Variants in DPP10 observed in about 807,000 individuals in gnomAD.
The protein encoded by DPP10 is inactive dipeptidyl peptidase 10.
In DPP10, 33 loss-of-function variants were observed where a neutral mutation model predicts 120.9. That is an observed-to-expected ratio of 0.27 (90% CI 0.21 to 0.37). The LOEUF (loss-of-function observed/expected upper bound fraction) is 0.37. Among genes scored for constraint, DPP10 ranks in the 10% least tolerant of loss-of-function variants. The pLI is 1.00. For synonymous variants in DPP10, 337 were observed against 326.1 expected, an observed-to-expected ratio of 1.03 and a Z score of -0.36; for missense variants, 816 against 942.8, an observed-to-expected ratio of 0.87 and a Z score of 1.76.
chr2:115,125,093 T>TA (rs1283196755), intron 1 of DPP10, among the ~76,000 whole-genome samples: 2 of 152,328 alleles, frequency 1.3e-5, no homozygotes, highest in African/African-American at 2.4e-5. Flanking sequence ...TTCCATACTT[T>TA]AACTCGGGCA....
At chr2:115,211,637 T>C (rs893994436) in intron 1 of DPP10, among the ~76,000 whole-genome samples, 1 of 152,174 alleles carries the variant, frequency 6.6e-6, no homozygotes, top group East Asian at 1.9e-4. Context: ...CAATTTTCTT[T>C]CATTTAATTT....
intron 10 of DPP10, among the ~76,000 whole-genome samples, chr2:115,751,610 T>C (rs987148801): frequency 6.6e-6 from 1 of 152,162 alleles, no homozygotes; most frequent in Non-Finnish European, 1.5e-5. Flanking sequence ...ATCTTCACTT[T>C]GATAGGCTAA....
intron 1 of DPP10, among the ~76,000 whole-genome samples, chr2:114,622,762 C>T (rs912537375): frequency 1.3e-5 from 2 of 152,080 alleles, no homozygotes; most frequent in African/African-American, 4.8e-5. Flanking sequence ...TGCCACCTTG[C>T]TACCGAAAAA....
intron 8 of DPP10, 131 bp downstream of exon 8, chr2:115,728,067 C>A: frequency 9.7e-7 from 1 of 1,027,444 alleles, no homozygotes; most frequent in Non-Finnish European, 1.4e-6. Flanking sequence ...CAAAATTGCC[C>A]TCATGCTTTC....
At chr2:115,284,434 A>G (rs914042344) in intron 1 of DPP10, among the ~76,000 whole-genome samples, 4 of 152,018 alleles carry the variant, frequency 2.6e-5, no homozygotes, top group African/African-American at 7.2e-5. Context: ...CAGTAAGTCA[A>G]AACATGACTT....
intron 1 of DPP10, among the ~76,000 whole-genome samples, chr2:114,853,922 C>T (rs1215472545): frequency 3.3e-5 from 5 of 152,186 alleles, no homozygotes; most frequent in East Asian, 1.9e-4. Context: ...AGCTGTCTGC[C>T]GCCCTAGTCA....
At chr2:115,186,179 T>A (rs1158590776) in intron 1 of DPP10, among the ~76,000 whole-genome samples, 1 of 152,250 alleles carries the variant, frequency 6.6e-6, no homozygotes, top group East Asian at 1.9e-4. Flanking sequence ...TCCGTTGTTT[T>A]TATTATCTTA....
intron 1 of DPP10, among the ~76,000 whole-genome samples, chr2:115,276,021 C>T (rs540686940): frequency 5.9e-5 from 9 of 152,264 alleles, no homozygotes; most frequent in African/African-American, 2.2e-4. Context: ...TATTTCAACT[C>T]TTGGTGGCAG....
chr2:115,304,154 C>T (rs138080564), intron 1 of DPP10, among the ~76,000 whole-genome samples: 152 of 151,954 alleles, frequency 1.0e-3, no homozygotes, highest in East Asian at 4.6e-3. Context: ...ACAGTTCAAA[C>T]TTTTGAGCTA....
At chr2:115,451,584 T>G (rs1221752501) in intron 3 of DPP10, among the ~76,000 whole-genome samples, 2 of 151,932 alleles carry the variant, frequency 1.3e-5, no homozygotes, top group African/African-American at 4.8e-5. Context: ...TTAAAAGTGT[T>G]GTCAAGGGAA....
chr2:114,936,913 T>A (rs1213056468), intron 1 of DPP10, among the ~76,000 whole-genome samples: 2 of 152,194 alleles, frequency 1.3e-5, no homozygotes, highest in African/African-American at 2.4e-5. Context: ...TCTATTCATG[T>A]CCTTAGCCCA....
chr2:114,985,084 G>T (rs1700314350), intron 1 of DPP10, among the ~76,000 whole-genome samples: 1 of 152,168 alleles, frequency 6.6e-6, no homozygotes, highest in Non-Finnish European at 1.5e-5. Context: ...AAGGCCCAAA[G>T]ATTCTAAATA....
At chr2:114,842,221 C>A (rs1325439640) in intron 1 of DPP10, among the ~76,000 whole-genome samples, 1 of 151,984 alleles carries the variant, frequency 6.6e-6, no homozygotes, top group Non-Finnish European at 1.5e-5. Flanking sequence ...GTTTTGACAA[C>A]AATTATGTCT....
intron 1 of DPP10, among the ~76,000 whole-genome samples, chr2:114,589,615 C>G (rs917290757): frequency 6.6e-6 from 1 of 152,116 alleles, no homozygotes; most frequent in Admixed American, 6.5e-5. Flanking sequence ...AAAACCATTT[C>G]AAATATTTTC....
intron 1 of DPP10, among the ~76,000 whole-genome samples, chr2:115,045,219 C>T (rs952235513): frequency 1.4e-4 from 21 of 152,094 alleles, no homozygotes; most frequent in African/African-American, 4.8e-4. Flanking sequence ...TGTTTTCTTT[C>T]AGCACTTTAA....
chr2:114,633,271 T>TTTG (rs1695078866), intron 1 of DPP10, among the ~76,000 whole-genome samples: 1 of 98,142 alleles, frequency 1.0e-5, no homozygotes, highest in Non-Finnish European at 2.0e-5. Context: ...TTTTTTTTTT[T>TTTG]GACAGAGTCT....
chr2:114,475,245 C>A (rs1680275246), intron 1 of DPP10, among the ~76,000 whole-genome samples: 1 of 152,120 alleles, frequency 6.6e-6, no homozygotes, highest in African/African-American at 2.4e-5. Flanking sequence ...ACTCACCTTT[C>A]CTGGCACAGA....
At chr2:115,005,885 C>T (rs1401141975) in intron 1 of DPP10, among the ~76,000 whole-genome samples, 11 of 150,126 alleles carry the variant, frequency 7.3e-5, no homozygotes, top group Admixed American at 2.7e-4. Context: ...AGATAATCCT[C>T]AAGAAGAGCA....
chr2:115,116,480 T>G (rs2049512928), intron 1 of DPP10, among the ~76,000 whole-genome samples: 1 of 152,212 alleles, frequency 6.6e-6, no homozygotes, highest in Non-Finnish European at 1.5e-5. Context: ...TAAATAGGTC[T>G]GCCATGATCC....
Sources: gnomAD v4.1 joint callset for allele counts (sites outside exome capture counted in the v4.1 genomes callset) on GRCh38, gnomAD v4.1.1 for gene constraint, MANE v1.5 for transcripts, NCBI Gene and HGNC (gene_info 2026-07-23, HGNC 2026-07-21) for gene names.